Variants in MAP2K4 observed in about 807,000 individuals in gnomAD.
MAP2K4 encodes the protein mitogen-activated protein kinase kinase 4.
In MAP2K4, 4 loss-of-function variants were observed where a neutral mutation model predicts 48.5. The observed-to-expected ratio is 0.08, with a 90% CI of 0.04 to 0.19. The LOEUF (loss-of-function observed/expected upper bound fraction) is 0.19, where lower values mean the gene tolerates loss of function less well. MAP2K4 is among the 10% of genes least tolerant of loss of function. The probability of loss-of-function intolerance (pLI) is 1.00; values close to 1 mark genes in which losing one functional copy is unlikely to be tolerated. For missense variants in MAP2K4, 258 were observed against 493.3 expected (o/e 0.52, Z 4.52); for synonymous variants, 166 against 173.1 (o/e 0.96, Z 0.32).
intron 1 of MAP2K4, among the ~76,000 whole-genome samples, chr17:12,024,811 T>C (rs530423329): frequency 1.3e-5 from 2 of 152,348 alleles, no homozygotes; most frequent in African/African-American, 4.8e-5. Context: ...AATTGACTTG[T>C]AGCATTCAAG....
At chr17:12,089,265 G>A (rs1971486775) in intron 3 of MAP2K4, among the ~76,000 whole-genome samples, 1 of 152,080 alleles carries the variant, frequency 6.6e-6, no homozygotes, top group Admixed American at 6.6e-5. Flanking sequence ...TTATGTAGGG[G>A]AACAAGCCCC....
chr17:12,101,294 A>G (rs1809297293), intron 4 of MAP2K4, among the ~76,000 whole-genome samples: 1 of 151,902 alleles, frequency 6.6e-6, no homozygotes, highest in Admixed American at 6.6e-5. Context: ...CCTTTATCAG[A>G]TATCAGTTGT....
At chr17:12,123,357 C>CATCT (rs1403725011) in intron 7 of MAP2K4, among the ~76,000 whole-genome samples, 1 of 152,098 alleles carries the variant, frequency 6.6e-6, no homozygotes, top group Non-Finnish European at 1.5e-5. Flanking sequence ...ATTTCTGTTT[C>CATCT]ATCTATTTCT....
At chr17:12,140,785 C>T (rs1288327787) in intron 10 of MAP2K4, among the ~76,000 whole-genome samples, 4 of 152,140 alleles carry the variant, frequency 2.6e-5, no homozygotes, top group South Asian at 2.1e-4. Context: ...CTGGCATTTG[C>T]GTCATTCTTC....
At chr17:12,101,725 G>A (rs992050524) in intron 4 of MAP2K4, among the ~76,000 whole-genome samples, 3 of 151,760 alleles carry the variant, frequency 2.0e-5, no homozygotes, top group African/African-American at 7.3e-5. Context: ...TATAGTTTTC[G>A]CTGTATAAGT....
intron 2 of MAP2K4, among the ~76,000 whole-genome samples, chr17:12,059,157 C>T (rs939350463): frequency 2.6e-5 from 4 of 152,082 alleles, no homozygotes; most frequent in African/African-American, 9.7e-5. Flanking sequence ...CTCTTGTACC[C>T]ACTAACATTT....
At chr17:12,043,700 T>C (rs1969868648) in intron 1 of MAP2K4, among the ~76,000 whole-genome samples, 1 of 152,130 alleles carries the variant, frequency 6.6e-6, no homozygotes, top group Non-Finnish European at 1.5e-5. Flanking sequence ...GGACCCTGTA[T>C]AGGGCAAGGT....
At chr17:12,021,857 C>T (rs748791269) in intron 1 of MAP2K4, among the ~76,000 whole-genome samples, 1 of 151,910 alleles carries the variant, frequency 6.6e-6, no homozygotes, top group African/African-American at 2.4e-5. Context: ...TAATTAATGA[C>T]TTTCCCCACT....
chr17:12,110,505 G>A (rs1048971264), intron 6 of MAP2K4, 79 bp downstream of exon 6: 16 of 1,009,878 alleles, frequency 1.6e-5, no homozygotes, highest in Non-Finnish European at 2.2e-5. Flanking sequence ...GAAAATTACA[G>A]TGTCACTGTA....
At chr17:12,075,075 C>A (rs929951302) in intron 2 of MAP2K4, among the ~76,000 whole-genome samples, 1 of 152,202 alleles carries the variant, frequency 6.6e-6, no homozygotes, top group South Asian at 2.1e-4. Flanking sequence ...GGAATAATAT[C>A]TTGAAGACTT....
intron 7 of MAP2K4, among the ~76,000 whole-genome samples, chr17:12,114,497 AG>A (rs1187294466): frequency 6.6e-6 from 1 of 151,858 alleles, no homozygotes; most frequent in South Asian, 2.1e-4. Flanking sequence ...TTCTTGACTC[AG>A]TTTGGAAGAT....
At chr17:12,118,265 A>G (rs1164138736) in intron 7 of MAP2K4, among the ~76,000 whole-genome samples, 1 of 152,196 alleles carries the variant, frequency 6.6e-6, no homozygotes, top group East Asian at 1.9e-4. Flanking sequence ...GAAAGACACT[A>G]CAGCTGATGA....
At chr17:12,084,715 A>T (rs1971301904) in intron 3 of MAP2K4, among the ~76,000 whole-genome samples, 1 of 152,198 alleles carries the variant, frequency 6.6e-6, no homozygotes, top group Admixed American at 6.5e-5. Context: ...AATACAACAC[A>T]TCAATTAACA....
chr17:12,107,222 A>G (rs1047712270), intron 4 of MAP2K4, among the ~76,000 whole-genome samples: 3 of 152,218 alleles, frequency 2.0e-5, no homozygotes, highest in Non-Finnish European at 4.4e-5. Flanking sequence ...TACACTTTAT[A>G]TTAGAGGATG....
At chr17:12,129,093 A>G in intron 8 of MAP2K4, 46 bp from the exon 9 acceptor site, 3 of 1,600,886 alleles carry the variant, frequency 1.9e-6, no homozygotes, top group Non-Finnish European at 2.6e-6. Flanking sequence ...GGGGAGTAGT[A>G]AATGATGCCT....
intron 2 of MAP2K4, chr17:12,069,889 T>G: frequency 4.5e-6 from 1 of 220,704 alleles, no homozygotes; most frequent in Non-Finnish European, 8.0e-6. Context: ...GGAAGATTAG[T>G]CATATATATA....
chr17:12,055,314 G>T (rs965652830), intron 2 of MAP2K4, among the ~76,000 whole-genome samples: 2 of 152,158 alleles, frequency 1.3e-5, no homozygotes, highest in Admixed American at 6.5e-5. Flanking sequence ...CATATCAGTG[G>T]TTATTTCATT....
At chr17:12,105,056 T>C (rs1811532672) in intron 4 of MAP2K4, among the ~76,000 whole-genome samples, 1 of 152,142 alleles carries the variant, frequency 6.6e-6, no homozygotes, top group Admixed American at 6.6e-5. Flanking sequence ...CATGAACTTT[T>C]GCATCTGTTT....
intron 1 of MAP2K4, among the ~76,000 whole-genome samples, chr17:12,028,052 A>G (rs117881760): frequency 9.8e-4 from 149 of 152,292 alleles, no homozygotes; most frequent in Non-Finnish European, 1.9e-3. Flanking sequence ...AATCATCACA[A>G]AGCTCTTTTG....
Sources: allele counts gnomAD v4.1 joint callset (sites outside exome capture counted in the v4.1 genomes callset), GRCh38; gene constraint gnomAD v4.1.1; transcripts MANE v1.5; gene names NCBI Gene and HGNC (gene_info 2026-07-23, HGNC 2026-07-21).